SIL1: variants seen among roughly 807,000 people sequenced by gnomAD.
SIL1 encodes the protein nucleotide exchange factor SIL1.
SIL1 carries 40 observed loss-of-function variants against 49.1 expected under a neutral mutation model. The ratio of observed to expected loss-of-function variants is 0.81; its 90% CI spans 0.63 to 1.06. The LOEUF is 1.06. Among genes scored for constraint, SIL1 ranks in the 50% least tolerant of loss-of-function variants. SIL1 has a pLI of 0.00. For missense variants in SIL1, 500 were observed against 572.6 expected, an observed-to-expected ratio of 0.87 and a Z score of 1.29; for synonymous variants, 253 against 250.8, an observed-to-expected ratio of 1.01 and a Z score of -0.08.
chr5:138,948,506 G>A lies in SIL1; in HGVS notation c.1030-1033C>T, dbSNP rs1042424963. Among the ~76,000 whole-genome samples, 2 of 152,114 alleles carry A rather than the reference G, an allele frequency of 1.3e-5. No homozygotes were observed. Among genetic ancestry groups the A allele is most frequent in the African/African-American group, 2.4e-5 (1 of 41,412 alleles). ...TAAAGACAAAATCAATCCCTTCCCT[G>A]GGACTGCGAGGCTCTGCAGGCTCTG... On this transcript the variant is annotated intron_variant, in intron 9 of 9. Transcript: ENST00000394817. The surrounding 1 kb of genome is among the most constrained non-coding windows in gnomAD (Gnocchi z 4.8).
chr5:139,170,653 G>A (rs1400136512), intron 1 of SIL1, among the ~76,000 whole-genome samples: 1 of 148,382 alleles, frequency 6.7e-6, no homozygotes, highest in African/African-American at 2.6e-5. Flanking sequence ...TCTGAGAAGT[G>A]AGGAGCCCCT....
intron 1 of SIL1, among the ~76,000 whole-genome samples, chr5:139,172,128 C>T (rs1026246872): frequency 6.6e-6 from 1 of 152,128 alleles, no homozygotes; most frequent in African/African-American, 2.4e-5. Context: ...CACAATCAAG[C>T]AGACCAACAT....
At chr5:139,049,224 G>A (rs1769235163) in intron 4 of SIL1, among the ~76,000 whole-genome samples, 1 of 152,208 alleles carries the variant, frequency 6.6e-6, no homozygotes, top group Non-Finnish European at 1.5e-5. Context: ...CCAGGCTGGA[G>A]TGCTGTGGCA....
At position 139,169,861 on chromosome 5, in the gene SIL1, C is replaced by G. The variant is rs74291999; in HGVS notation, c.-11+28408G>C. Among the ~76,000 whole-genome samples, 178 of 149,876 alleles carry G rather than the reference C, an allele frequency of 1.2e-3. 3 individuals are homozygous for G. The East Asian group carries it at 0.012, about 10-fold the overall frequency. On this transcript the variant is annotated intron_variant, in intron 1 of 9. Coordinates refer to ENST00000394817, the MANE Select transcript of SIL1 (RefSeq NM_022464.5). ...CTCCCTCTCCCCACGGTCTCCCTCTCCCTCTTTCCACGGTCTCCCTCTCCC... is the reference window on the plus strand; with the variant it reads ...CTCCCTCTCCCCACGGTCTCCCTCTGCCTCTTTCCACGGTCTCCCTCTCCC...
intron 1 of SIL1, among the ~76,000 whole-genome samples, chr5:139,145,587 A>T (rs548567950): frequency 1.5e-4 from 23 of 152,022 alleles, no homozygotes; most frequent in Non-Finnish European, 2.4e-4. Context: ...CAGCCATCAC[A>T]GATAAGTGGA....
intron 7 of SIL1, among the ~76,000 whole-genome samples, chr5:138,979,195 G>C (rs1767460159): frequency 2.0e-5 from 3 of 151,886 alleles, no homozygotes; most frequent in Admixed American, 2.0e-4. Flanking sequence ...CTCTCAAGTA[G>C]CTGGGATAAC....
intron 3 of SIL1, among the ~76,000 whole-genome samples, chr5:139,099,741 T>C (rs960546237): frequency 2.0e-5 from 3 of 152,026 alleles, no homozygotes; most frequent in Non-Finnish European, 2.9e-5. Flanking sequence ...ATTGAACTCA[T>C]GGATACAGCA....
intron 3 of SIL1, among the ~76,000 whole-genome samples, chr5:139,109,386 C>T (rs188357390): frequency 1.3e-5 from 2 of 152,288 alleles, no homozygotes; most frequent in Admixed American, 6.5e-5. Flanking sequence ...TAAGATCCAA[C>T]TTAGAAACCC....
At chr5:139,122,487 TG>T in intron 2 of SIL1, among the ~76,000 whole-genome samples, 1 of 151,796 alleles carries the variant, frequency 6.6e-6, no homozygotes, top group Admixed American at 6.6e-5. Context: ...CCCAGCTACT[TG>T]GGCGGCTGAG....
chr5:138,993,465 C>T (rs1018193275), intron 7 of SIL1, among the ~76,000 whole-genome samples: 2 of 152,200 alleles, frequency 1.3e-5, no homozygotes, highest in African/African-American at 4.8e-5. Context: ...CACAGCCAGA[C>T]GCATCCTTGT....
intron 3 of SIL1, among the ~76,000 whole-genome samples, chr5:139,106,216 C>T (rs995917441): frequency 2.6e-5 from 4 of 152,234 alleles, no homozygotes; most frequent in African/African-American, 9.6e-5. Flanking sequence ...GGTCTGTCCA[C>T]TTCAAGCCTC....
intron 1 of SIL1, among the ~76,000 whole-genome samples, chr5:139,164,524 G>T (rs1367358277): frequency 6.6e-6 from 1 of 152,114 alleles, no homozygotes; most frequent in Non-Finnish European, 1.5e-5. Context: ...AGCCCCTAGG[G>T]TCGGGCCCAT....
intron 3 of SIL1, among the ~76,000 whole-genome samples, chr5:139,086,387 G>T (rs191758110): frequency 6.6e-6 from 1 of 151,194 alleles, no homozygotes; most frequent in Non-Finnish European, 1.5e-5. Flanking sequence ...TTTTTGAGAC[G>T]GAGTTTTGCT....
chr5:139,175,887 C>T (rs1187072330), intron 1 of SIL1, among the ~76,000 whole-genome samples: 1 of 152,090 alleles, frequency 6.6e-6, no homozygotes, highest in African/African-American at 2.4e-5. Flanking sequence ...CATTTGAACC[C>T]GGGAGGTGGA....
chr5:139,040,977 G>C (rs1409656335), intron 5 of SIL1, among the ~76,000 whole-genome samples: 2 of 152,182 alleles, frequency 1.3e-5, no homozygotes, highest in Admixed American at 1.3e-4. Flanking sequence ...ACAAGGTTAA[G>C]TGGGTCCTCC....
rs552909363 is a variant in SIL1, at chr5:139,188,160, A to G, written c.-11+10109T>C. The G allele has an allele frequency of 2.6e-5, 4 of 152,344 alleles. No homozygotes were observed. The South Asian group carries it at 8.3e-4, about 32-fold the overall frequency. The allele number at this position is 152,344 out of a possible 1,614,324, so 9.4% of individuals were successfully genotyped here. A position where few individuals can be genotyped will look rare whatever the true frequency, so the allele number is the denominator to read the frequency against. On this transcript the variant is annotated intron_variant, in intron 1 of 9. Coordinates refer to ENST00000394817, the MANE Select transcript of SIL1 (RefSeq NM_022464.5). ...GAACAGACTAATACAGCTTCCAAGC[A>G]TAAGTATTCTCTGATAAGCACAATA... is the stretch of plus-strand genomic sequence containing the variant.
At chr5:139,073,871 G>A (rs1357513917) in intron 3 of SIL1, among the ~76,000 whole-genome samples, 1 of 151,572 alleles carries the variant, frequency 6.6e-6, no homozygotes, top group Non-Finnish European at 1.5e-5. Flanking sequence ...TTGCACTCCA[G>A]CCTGGGCAAC....
chr5:138,985,352 G>A (rs1767628822), intron 7 of SIL1, among the ~76,000 whole-genome samples: 3 of 152,160 alleles, frequency 2.0e-5, no homozygotes, highest in Admixed American at 1.3e-4. Flanking sequence ...CACCTCCCAT[G>A]ACAAAATGAA....
chr5:139,097,639 G>A (rs1466511241), intron 3 of SIL1, among the ~76,000 whole-genome samples: 1 of 151,854 alleles, frequency 6.6e-6, no homozygotes, highest in African/African-American at 2.4e-5. Flanking sequence ...CACTACGCCT[G>A]GCTAATTTTT....
Sources: gnomAD v4.1 joint callset for allele counts (sites outside exome capture counted in the v4.1 genomes callset) on GRCh38, gnomAD v4.1.1 for gene constraint, Gnocchi (gnomAD v3.1) non-coding constraint, MANE v1.5 for transcripts, NCBI Gene and HGNC (gene_info 2026-07-23, HGNC 2026-07-21) for gene names.